DYNC1I1: variants seen among roughly 807,000 people sequenced by gnomAD.
The protein encoded by DYNC1I1 is cytoplasmic dynein 1 intermediate chain 1.
DYNC1I1 carries 43 observed loss-of-function variants against 86.6 expected under a neutral mutation model. The observed-to-expected ratio is 0.50, with a 90% confidence interval of 0.39 to 0.64. DYNC1I1 has a LOEUF of 0.64. Ranked by LOEUF, DYNC1I1 falls within the 30% of genes least tolerant of loss-of-function variation. The pLI, the probability that DYNC1I1 is intolerant of heterozygous loss-of-function variation, is 0.00. For missense variants in DYNC1I1, 604 were observed against 788.8 expected (o/e 0.77, Z 2.81); for synonymous variants, 262 against 283.7 (o/e 0.92, Z 0.77).
chr7:96,076,220 G>T (rs575924284), intron 15 of DYNC1I1, 23 bp downstream of exon 15: 1 of 1,612,096 alleles, frequency 6.2e-7, no homozygotes, highest in African/African-American at 1.3e-5. Context: ...TCAGGCGCCC[G>T]GGCCGGAGGG....
chr7:95,944,126 C>G (rs1479578842), intron 6 of DYNC1I1, among the ~76,000 whole-genome samples: 1 of 152,170 alleles, frequency 6.6e-6, no homozygotes, highest in Non-Finnish European at 1.5e-5. Flanking sequence ...ACCTACTCAT[C>G]TGACAAAGGG....
chr7:95,888,996 G>A (rs547255184), intron 6 of DYNC1I1, among the ~76,000 whole-genome samples: 46 of 152,184 alleles, frequency 3.0e-4, no homozygotes, highest in Non-Finnish European at 5.7e-4. Context: ...AATGAGAAAT[G>A]CTTGGGAGAA....
At chr7:96,072,463 A>G (rs1369339317) in intron 14 of DYNC1I1, among the ~76,000 whole-genome samples, 1 of 152,174 alleles carries the variant, frequency 6.6e-6, no homozygotes, top group Non-Finnish European at 1.5e-5. Context: ...GTTTTGAAAA[A>G]TGTTCTTTAC....
intron 6 of DYNC1I1, among the ~76,000 whole-genome samples, chr7:95,967,346 G>A (rs2116528385): frequency 6.6e-6 from 1 of 152,294 alleles, no homozygotes; most frequent in East Asian, 1.9e-4. Flanking sequence ...ACAATTTGGG[G>A]AACTGGGGGG....
chr7:95,860,911 A>AC lies in DYNC1I1; in HGVS notation c.375-8966dup, dbSNP rs201062167. On this transcript the variant is annotated intron_variant, in intron 5 of 16. Transcript: ENST00000447467. ...TCATGATGTAATTACTTTCTAAAAG[A>AC]CCCCCCATCTTTTAATACTACAATT... Among the ~76,000 whole-genome samples the AC allele has an allele frequency of 3.1e-3, 479 of 152,132 alleles. 3 individuals are homozygous for AC. Among genetic ancestry groups the AC allele is most frequent in the African/African-American group, 0.011 (467 of 41,494 alleles).
At chr7:95,995,200 T>C (rs1369161883) in intron 9 of DYNC1I1, among the ~76,000 whole-genome samples, 1 of 151,688 alleles carries the variant, frequency 6.6e-6, no homozygotes, top group Non-Finnish European at 1.5e-5. Flanking sequence ...TGAGCCAAGA[T>C]CAGGCCACTG....
At chr7:95,968,579 A>C (rs1031496754) in intron 6 of DYNC1I1, among the ~76,000 whole-genome samples, 2 of 152,194 alleles carry the variant, frequency 1.3e-5, no homozygotes, top group African/African-American at 4.8e-5. Context: ...CCTAAAAGTT[A>C]AATATCATGA....
At chr7:95,927,947 C>T (rs539399970) in intron 6 of DYNC1I1, among the ~76,000 whole-genome samples, 2 of 152,282 alleles carry the variant, frequency 1.3e-5, no homozygotes, top group African/African-American at 4.8e-5. Flanking sequence ...AGGGTAGCAG[C>T]GTCTGTTTCA....
intron 6 of DYNC1I1, among the ~76,000 whole-genome samples, chr7:95,933,191 C>T (rs1368702137): frequency 6.6e-6 from 1 of 152,066 alleles, no homozygotes; most frequent in South Asian, 2.1e-4. Flanking sequence ...CACAGAGAAT[C>T]TTTATTTATA....
intron 10 of DYNC1I1, among the ~76,000 whole-genome samples, chr7:96,021,876 T>G (rs1584256736): frequency 6.6e-6 from 1 of 152,210 alleles, no homozygotes; most frequent in East Asian, 1.9e-4. Flanking sequence ...ATTGTATGGA[T>G]TTACCACATT....
At chr7:96,036,233 C>A (rs1294333627) in intron 13 of DYNC1I1, among the ~76,000 whole-genome samples, 1 of 152,124 alleles carries the variant, frequency 6.6e-6, no homozygotes, top group Non-Finnish European at 1.5e-5. Flanking sequence ...GCAAAGAAAA[C>A]CACTCCCACC....
chr7:95,791,458 T>G (rs1489608335), intron 1 of DYNC1I1, among the ~76,000 whole-genome samples: 2 of 152,252 alleles, frequency 1.3e-5, no homozygotes, highest in Non-Finnish European at 2.9e-5. Flanking sequence ...AAGATCAGTC[T>G]GCCAGGTTAC....
intron 6 of DYNC1I1, among the ~76,000 whole-genome samples, chr7:95,893,024 G>A (rs77396118): frequency 1.4e-3 from 209 of 152,158 alleles, no homozygotes; most frequent in African/African-American, 5.0e-3. Context: ...TCTTAAATTT[G>A]TTTTCTTTTT....
At chr7:96,052,531 T>G (rs1401646342) in intron 14 of DYNC1I1, among the ~76,000 whole-genome samples, 1 of 152,146 alleles carries the variant, frequency 6.6e-6, no homozygotes, top group Non-Finnish European at 1.5e-5. Flanking sequence ...ATGAAGTTCT[T>G]GTGAAGATTA....
intron 10 of DYNC1I1, among the ~76,000 whole-genome samples, chr7:96,020,722 A>T (rs1207207087): frequency 1.3e-5 from 2 of 152,234 alleles, no homozygotes; most frequent in African/African-American, 4.8e-5. Context: ...TCTTAGCAGC[A>T]TTATTCACAA....
chr7:95,926,379 T>TA (rs140731249), intron 6 of DYNC1I1, among the ~76,000 whole-genome samples: 5 of 152,038 alleles, frequency 3.3e-5, no homozygotes, highest in East Asian at 1.9e-4. Flanking sequence ...TATTTTAAGT[T>TA]AAAAAAAGTT....
At chr7:95,850,957 T>C (rs76482604) in intron 5 of DYNC1I1, among the ~76,000 whole-genome samples, 2 of 152,168 alleles carry the variant, frequency 1.3e-5, no homozygotes, top group Admixed American at 6.5e-5. Flanking sequence ...CTTTTTTTTT[T>C]CCTTGAGACA....
At chr7:95,958,750 T>C (rs749368951) in intron 6 of DYNC1I1, among the ~76,000 whole-genome samples, 2 of 152,188 alleles carry the variant, frequency 1.3e-5, no homozygotes, top group Non-Finnish European at 2.9e-5. Context: ...ATAAATCATA[T>C]TCAGAATACA....
chr7:95,975,462 T>A (rs1361093296), intron 6 of DYNC1I1, among the ~76,000 whole-genome samples: 3 of 152,180 alleles, frequency 2.0e-5, no homozygotes, highest in African/African-American at 7.2e-5. Context: ...TTTGCCTTCA[T>A]CTCCACATGG....
Sources: allele counts gnomAD v4.1 joint callset (sites outside exome capture counted in the v4.1 genomes callset), GRCh38; gene constraint gnomAD v4.1.1; transcripts MANE v1.5; gene names NCBI Gene and HGNC (gene_info 2026-07-23, HGNC 2026-07-21).